RBFOX3: variants seen among roughly 807,000 people sequenced by gnomAD.
RBFOX3 encodes RNA binding fox-1 homolog 3.
A neutral mutation model predicts 48.7 loss-of-function variants in RBFOX3; 17 were observed. The ratio of observed to expected loss-of-function variants is 0.35; its 90% confidence interval spans 0.24 to 0.52. The LOEUF (loss-of-function observed/expected upper bound fraction) is 0.52, where lower values mean the gene tolerates loss of function less well. RBFOX3 is among the 20% of genes least tolerant of loss of function. The probability of loss-of-function intolerance (pLI) is 0.94; values close to 1 mark genes in which losing one functional copy is unlikely to be tolerated. For synonymous variants in RBFOX3, 212 were observed against 209.5 expected, an observed-to-expected ratio of 1.01 and a Z score of -0.10; for missense variants, 382 against 497.5, an observed-to-expected ratio of 0.77 and a Z score of 2.21.
rs372817812 is a variant in RBFOX3 at position 79,477,332 on chromosome 17, G to C, written c.-175+5122C>G. Among the ~76,000 whole-genome samples, 1 of 150,274 alleles carries C rather than the reference G, an allele frequency of 6.7e-6. No homozygotes were observed. The highest frequency in any genetic ancestry group is 2.1e-4 in the South Asian group (1 of 4,754). Reference sequence around the variant, plus strand: ...AGCACTTTGGGAGGCCAAGGCAGGTGGATCACGAGGTCAGGAGATCGAGAT... The same window carrying C: ...AGCACTTTGGGAGGCCAAGGCAGGTCGATCACGAGGTCAGGAGATCGAGAT... On this transcript the variant is annotated intron_variant, in intron 2 of 14. Transcript: ENST00000693108. This position sits in a 1 kb window ranked among gnomAD's most constrained non-coding sequence, Gnocchi z 4.8.
chr17:79,302,112 T>C (rs2075404905), intron 3 of RBFOX3, among the ~76,000 whole-genome samples: 1 of 152,210 alleles, frequency 6.6e-6, no homozygotes, highest in African/African-American at 2.4e-5. Context: ...TAGCTTTTGC[T>C]CTATGTATTC....
chr17:79,387,491 C>T (rs56218810), intron 2 of RBFOX3, among the ~76,000 whole-genome samples: 24,274 of 152,152 alleles, frequency 0.16, 2,043 homozygotes, highest in Non-Finnish European at 0.18. Context: ...TAAATACTGC[C>T]AGGGCCCACA....
rs534793663 is a variant in RBFOX3, at chr17:79,201,421, C to A, written c.-34+34345G>T. ...GACTGTCTGCCAGAATACCGAGAAG[C>A]AGGTGGCCTGCTGTGAGCTCAGGGA... On this transcript the variant is annotated intron_variant, in intron 4 of 14. Transcript: ENST00000693108. Among the ~76,000 whole-genome samples, 7 of 152,154 alleles carry A rather than the reference C, an allele frequency of 4.6e-5. No homozygotes were observed. The South Asian group carries it at 1.5e-3, about 32-fold the overall frequency.
chr17:79,385,540 T>A (rs1200085179), intron 2 of RBFOX3, among the ~76,000 whole-genome samples: 1 of 152,138 alleles, frequency 6.6e-6, no homozygotes, highest in Non-Finnish European at 1.5e-5. Context: ...TGGCTGAGCC[T>A]GGTCCCCCAT....
At chr17:79,619,805 C>A in the RBFOX3 span, among the ~76,000 whole-genome samples, 2 of 152,174 alleles carry the variant, frequency 1.3e-5, no homozygotes, top group Non-Finnish European at 2.9e-5. Flanking sequence ...CATCTCCCCT[C>A]CTCCAGCCCT....
intron 2 of RBFOX3, among the ~76,000 whole-genome samples, chr17:79,373,034 C>A (rs2058761931): frequency 6.6e-6 from 1 of 152,200 alleles, no homozygotes; most frequent in Non-Finnish European, 1.5e-5. Context: ...TTTTATCTCA[C>A]TCCTCGGAAG....
intron 1 of RBFOX3, among the ~76,000 whole-genome samples, chr17:79,589,092 C>T (rs1007382460): frequency 2.6e-5 from 4 of 152,230 alleles, no homozygotes; most frequent in African/African-American, 4.8e-5. Context: ...TCTTTCAGGG[C>T]ATAGCAGTGC....
At chr17:79,210,634 A>T (rs920911182) in intron 4 of RBFOX3, among the ~76,000 whole-genome samples, 3 of 152,196 alleles carry the variant, frequency 2.0e-5, no homozygotes, top group African/African-American at 4.8e-5. Flanking sequence ...GGGATTATGG[A>T]ATTGAAGGGT....
chr17:79,430,921 G>A (rs533971258), intron 2 of RBFOX3, among the ~76,000 whole-genome samples: 9 of 152,258 alleles, frequency 5.9e-5, no homozygotes, highest in African/African-American at 9.6e-5. Flanking sequence ...AAACAGACAC[G>A]CTCAGAGCCC....
chr17:79,305,431 G>T (rs1043135792), intron 3 of RBFOX3, among the ~76,000 whole-genome samples: 1 of 152,210 alleles, frequency 6.6e-6, no homozygotes, highest in Non-Finnish European at 1.5e-5. Flanking sequence ...ACGCACAGCT[G>T]TCCCAGTGGG....
In RBFOX3 at chr17:79,481,792, C is replaced by T. The variant is rs1335907774; in HGVS notation, c.-175+662G>A. ...TAGTGTAGTGCTTTTTTGTTGCTGT[C>T]GTTCTGTGAACTGTAGCAAATTATC... On this transcript the variant is annotated intron_variant, in intron 2 of 14. Coordinates refer to ENST00000693108, the MANE Select transcript of RBFOX3 (RefSeq NM_001350451.2). The surrounding 1 kb of genome is among the most constrained non-coding windows in gnomAD (Gnocchi z 5.4). Among the ~76,000 whole-genome samples, 2 of 152,130 alleles carry T rather than the reference C, an allele frequency of 1.3e-5. No homozygotes were observed. The highest frequency in any genetic ancestry group is 2.9e-5 in the Non-Finnish European group (2 of 68,032).
chr17:79,109,216 G>C (rs1366888904), intron 5 of RBFOX3, among the ~76,000 whole-genome samples: 3 of 152,222 alleles, frequency 2.0e-5, no homozygotes, highest in African/African-American at 7.2e-5. Flanking sequence ...GGGCAAGCTG[G>C]GCGGCTGCTC....
intron 2 of RBFOX3, among the ~76,000 whole-genome samples, chr17:79,357,712 G>A (rs1175165118): frequency 7.6e-6 from 1 of 130,900 alleles, no homozygotes; most frequent in Non-Finnish European, 1.6e-5. Context: ...AGTTTAAAGC[G>A]CAGGGGGGCG....
intron 2 of RBFOX3, among the ~76,000 whole-genome samples, chr17:79,319,239 G>T (rs1458170640): frequency 6.6e-6 from 1 of 152,134 alleles, no homozygotes; most frequent in Non-Finnish European, 1.5e-5. Context: ...TATTGGAGCC[G>T]GGAAGGAAGA....
intron 1 of RBFOX3, among the ~76,000 whole-genome samples, chr17:79,564,187 A>G (rs2092366773): frequency 6.6e-6 from 1 of 152,318 alleles, no homozygotes; most frequent in Admixed American, 6.5e-5. Flanking sequence ...CCGAAGCCCA[A>G]ACCATCAGGC....
intron 1 of RBFOX3, among the ~76,000 whole-genome samples, chr17:79,521,036 C>T (rs1271756684): frequency 3.9e-5 from 6 of 152,200 alleles, no homozygotes; most frequent in South Asian, 4.1e-4. Context: ...CTGCTGCCAG[C>T]GCCACTCCTG....
At chr17:79,621,498 C>T in the RBFOX3 span, among the ~76,000 whole-genome samples, 1 of 152,198 alleles carries the variant, frequency 6.6e-6, no homozygotes, top group African/African-American at 2.4e-5. Flanking sequence ...TCTCTACCAA[C>T]AGGCAGAAGT....
At chr17:79,172,421 C>T (rs1301048857) in intron 4 of RBFOX3, among the ~76,000 whole-genome samples, 2 of 152,170 alleles carry the variant, frequency 1.3e-5, no homozygotes, top group African/African-American at 2.4e-5. Context: ...GGGAGGGGAC[C>T]GGTCTGAGTC....
At chr17:79,115,457 G>A in intron 5 of RBFOX3, 37 bp downstream of exon 5, 1 of 1,252,130 alleles carries the variant, frequency 8.0e-7, no homozygotes. Flanking sequence ...CCTCCCTGAA[G>A]CTCCAGGGCT....
Sources: allele counts gnomAD v4.1 joint callset (sites outside exome capture counted in the v4.1 genomes callset), GRCh38; gene constraint gnomAD v4.1.1; non-coding constraint Gnocchi (gnomAD v3.1); transcripts MANE v1.5; gene names NCBI Gene and HGNC (gene_info 2026-07-23, HGNC 2026-07-21).